CTNNA3: variants seen among roughly 807,000 people sequenced by gnomAD.
The protein encoded by CTNNA3 is catenin alpha-3.
A neutral mutation model predicts 95.7 loss-of-function variants in CTNNA3; 76 were observed. The ratio of observed to expected loss-of-function variants is 0.79; its 90% CI spans 0.66 to 0.96. The LOEUF (loss-of-function observed/expected upper bound fraction) is 0.96. Among genes scored for constraint, CTNNA3 ranks in the 40% least tolerant of loss-of-function variants. The pLI is 0.00. For missense variants in CTNNA3, 1,191 were observed against 1,089.8 expected (o/e 1.09, Z -1.31); for synonymous variants, 431 against 374.4 (o/e 1.15, Z -1.74).
intron 11 of CTNNA3, among the ~76,000 whole-genome samples, chr10:66,518,464 T>C (rs1589367005): frequency 6.6e-6 from 1 of 152,226 alleles, no homozygotes. Flanking sequence ...TATTCAACAG[T>C]CAAATTACAA....
chr10:66,898,691 C>T (rs982523413), intron 7 of CTNNA3, among the ~76,000 whole-genome samples: 2 of 152,078 alleles, frequency 1.3e-5, no homozygotes, highest in African/African-American at 4.8e-5. Context: ...ACACACTAGA[C>T]ACAAAAATCA....
intron 5 of CTNNA3, among the ~76,000 whole-genome samples, chr10:67,308,179 C>T (rs191887252): frequency 2.0e-5 from 3 of 152,278 alleles, no homozygotes; most frequent in Admixed American, 1.3e-4. Context: ...ATCCTTTCAA[C>T]ATTCAAGAGA....
chr10:67,640,821 G>A (rs1839504520), intron 2 of CTNNA3, among the ~76,000 whole-genome samples: 1 of 152,100 alleles, frequency 6.6e-6, no homozygotes, highest in African/African-American at 2.4e-5. Context: ...GCTGAAACTG[G>A]ATCCCTTCCT....
intron 12 of CTNNA3, among the ~76,000 whole-genome samples, chr10:66,370,826 C>T (rs1260847978): frequency 4.6e-5 from 7 of 152,162 alleles, no homozygotes; most frequent in Non-Finnish European, 4.4e-5. Context: ...CCTCACACCT[C>T]AACCTCCCAA....
chr10:67,162,850 T>C (rs1216370947), intron 7 of CTNNA3, among the ~76,000 whole-genome samples: 1 of 152,006 alleles, frequency 6.6e-6, no homozygotes, highest in Admixed American at 6.6e-5. Flanking sequence ...TAAGGGATTA[T>C]ACAAACAACT....
At chr10:67,031,852 G>T (rs1006821105) in intron 7 of CTNNA3, among the ~76,000 whole-genome samples, 9 of 152,118 alleles carry the variant, frequency 5.9e-5, no homozygotes, top group Non-Finnish European at 8.8e-5. Context: ...GTCATTTTGA[G>T]CAGCCTCTTT....
intron 14 of CTNNA3, among the ~76,000 whole-genome samples, chr10:66,088,446 T>C (rs1002127112): frequency 5.2e-4 from 79 of 151,558 alleles, no homozygotes; most frequent in African/African-American, 1.8e-3. Flanking sequence ...TTATTAATGG[T>C]TATCAGTTGT....
intron 12 of CTNNA3, among the ~76,000 whole-genome samples, chr10:66,342,056 A>AGG: frequency 6.6e-6 from 1 of 152,050 alleles, no homozygotes; most frequent in Non-Finnish European, 1.5e-5. Context: ...AACTTACACA[A>AGG]GATCACACAG....
At chr10:67,082,050 G>T (rs1039234221) in intron 7 of CTNNA3, among the ~76,000 whole-genome samples, 1 of 152,174 alleles carries the variant, frequency 6.6e-6, no homozygotes, top group South Asian at 2.1e-4. Context: ...TTTGTTAGAA[G>T]TTTAAGCTGG....
At chr10:67,513,369 T>G (rs551582105) in intron 5 of CTNNA3, among the ~76,000 whole-genome samples, 1 of 152,318 alleles carries the variant, frequency 6.6e-6, no homozygotes, top group South Asian at 2.1e-4. Context: ...TTCAGTCCTT[T>G]GTTGTACATT....
intron 10 of CTNNA3, among the ~76,000 whole-genome samples, chr10:66,539,101 G>T (rs1374595859): frequency 6.6e-6 from 1 of 152,132 alleles, no homozygotes; most frequent in Non-Finnish European, 1.5e-5. Flanking sequence ...AGTGTCATCT[G>T]CTGACTAATA....
At position 66,799,601 on chromosome 10, in the gene CTNNA3, A is replaced by C. The variant is rs550127864; in HGVS notation, c.1048-24077T>G. On this transcript the variant is annotated intron_variant, in intron 7 of 17. Transcript: ENST00000433211. ...GAGAGGGAAGAAGGTAGAGACAAGC[A>C]TTAGAGAAATGTGGGACACGGTCAA... is the stretch of plus-strand genomic sequence containing the variant. 6.6e-5 allele frequency among the ~76,000 whole-genome samples: 10 copies of C among 151,688 alleles called. No individual in the cohort carries two copies. The South Asian group carries it at 1.7e-3, about 25-fold the overall frequency.
chr10:67,474,878 A>G (rs532118378), intron 5 of CTNNA3, among the ~76,000 whole-genome samples: 48 of 152,316 alleles, frequency 3.2e-4, no homozygotes, highest in Non-Finnish European at 5.4e-4. Flanking sequence ...ATTTCTTATA[A>G]AGTTAATTAT....
At chr10:66,005,756 T>C (rs1180114997) in intron 15 of CTNNA3, among the ~76,000 whole-genome samples, 5 of 150,720 alleles carry the variant, frequency 3.3e-5, no homozygotes, top group Non-Finnish European at 7.4e-5. Context: ...GATGAGAACA[T>C]TTTTTTTTCA....
chr10:67,058,904 T>C (rs1384078971), intron 7 of CTNNA3, among the ~76,000 whole-genome samples: 1 of 152,148 alleles, frequency 6.6e-6, no homozygotes, highest in Non-Finnish European at 1.5e-5. Flanking sequence ...CTGCCTATCT[T>C]CTAGGCAGGC....
intron 5 of CTNNA3, among the ~76,000 whole-genome samples, chr10:67,249,491 G>A (rs1866025300): frequency 2.0e-5 from 3 of 152,148 alleles, no homozygotes; most frequent in African/African-American, 7.2e-5. Flanking sequence ...CTTGGGAACT[G>A]TGACTTTAAG....
chr10:66,160,090 G>C (rs575172421), intron 13 of CTNNA3, among the ~76,000 whole-genome samples: 25 of 151,970 alleles, frequency 1.6e-4, no homozygotes, highest in Non-Finnish European at 2.2e-4. Flanking sequence ...TAATCTTGCT[G>C]ATGGTTTATC....
intron 1 of CTNNA3, among the ~76,000 whole-genome samples, chr10:67,762,185 CAA>C (rs55895053): frequency 0.15 from 10,634 of 72,164 alleles, 464 homozygotes; most frequent in Middle Eastern, 0.24. Context: ...ATAAATCAGC[CAA>C]AAAAAAAAAA....
intron 5 of CTNNA3, among the ~76,000 whole-genome samples, chr10:67,229,837 GA>G (rs1257833492): frequency 3.3e-5 from 5 of 152,192 alleles, no homozygotes; most frequent in Non-Finnish European, 7.4e-5. Context: ...AAAACAAATG[GA>G]AACACATCCC....
Sources: allele counts gnomAD v4.1 joint callset (sites outside exome capture counted in the v4.1 genomes callset), GRCh38; gene constraint gnomAD v4.1.1; transcripts MANE v1.5; gene names NCBI Gene and HGNC (gene_info 2026-07-23, HGNC 2026-07-21).